Variants in LRRD1 observed in about 807,000 individuals in gnomAD.
LRRD1 encodes leucine rich repeats and death domain containing 1, also known as leucine-rich repeat and death domain-containing protein 1.
LRRD1 carries 49 observed loss-of-function variants against 69.5 expected under a neutral mutation model. That is an observed-to-expected ratio of 0.70 (90% CI 0.56 to 0.89). LRRD1 has a LOEUF of 0.89. Ranked by LOEUF, LRRD1 falls within the 40% of genes least tolerant of loss-of-function variation. The probability of loss-of-function intolerance (pLI) is 0.00; values close to 1 mark genes in which losing one functional copy is unlikely to be tolerated. For missense variants in LRRD1, 853 were observed against 956.0 expected, an observed-to-expected ratio of 0.89 and a Z score of 1.42; for synonymous variants, 303 against 338.9, an observed-to-expected ratio of 0.89 and a Z score of 1.16.
intron 1 of LRRD1, among the ~76,000 whole-genome samples, chr7:92,176,574 T>G (rs1276793726): frequency 6.6e-6 from 1 of 152,016 alleles, no homozygotes; most frequent in Non-Finnish European, 1.5e-5. Context: ...CATTTTTTTT[T>G]TTTTTTTGAG....
chr7:92,142,101 C>A (rs1310089267), downstream of LRRD1: 2 of 179,138 alleles, frequency 1.1e-5, no homozygotes, highest in African/African-American at 2.4e-5. Context: ...CGCCACCATG[C>A]CCAGCTATTT....
intron 1 of LRRD1, among the ~76,000 whole-genome samples, chr7:92,167,580 A>C (rs1788939471): frequency 6.6e-6 from 1 of 151,490 alleles, no homozygotes; most frequent in African/African-American, 2.4e-5. Context: ...GGGGTAGTTA[A>C]GAAGTTATTC....
At chr7:92,157,002 A>C (rs1443945648) in intron 3 of LRRD1, among the ~76,000 whole-genome samples, 1 of 148,956 alleles carries the variant, frequency 6.7e-6, no homozygotes, top group African/African-American at 2.5e-5. Context: ...TCTTGAATGG[A>C]AATTGTATTT....
intron 1 of LRRD1, among the ~76,000 whole-genome samples, chr7:92,176,958 A>G (rs1422059666): frequency 6.7e-6 from 1 of 148,924 alleles, no homozygotes; most frequent in African/African-American, 2.4e-5. Context: ...ATATATATAT[A>G]TATAAAACAA....
At chr7:92,175,882 T>A (rs1197529117) in intron 1 of LRRD1, among the ~76,000 whole-genome samples, 1 of 152,262 alleles carries the variant, frequency 6.6e-6, no homozygotes, top group Non-Finnish European at 1.5e-5. Flanking sequence ...TATTCATTGA[T>A]TTCTAATTCT....
In LRRD1 at chr7:92,164,940, G is replaced by A; in HGVS notation, c.263C>T (p.Ser88Phe). 2 of 1,551,432 alleles carry A rather than the reference G, an allele frequency of 1.3e-6. No individual in the cohort carries two copies. The highest frequency in any genetic ancestry group is 1.7e-6 in the Non-Finnish European group (2 of 1,146,910). Residue 88 changes from serine to phenylalanine, a missense_variant, in exon 2 of 6, where the codon TCT becomes TTT. By Grantham distance (155) the Ser-to-Phe change is radical (BLOSUM62 -2). Transcript: ENST00000458448. ...AGTTCCTGTTCTAGTGCTTGTTTCA[G>A]AAAATTGAAGATTTTTCTTTTGTTC... ...NEEQKKNLQF[S>F]ETSTRTGTSQ...
At chr7:92,160,235 C>T (rs1340774075) in intron 2 of LRRD1, among the ~76,000 whole-genome samples, 2 of 152,118 alleles carry the variant, frequency 1.3e-5, no homozygotes, top group African/African-American at 4.8e-5. Context: ...AATGTATAGG[C>T]ACCTCTAATA....
At chr7:92,141,650 G>A (rs1394378501), downstream of LRRD1, 3 of 152,206 alleles carry the variant, frequency 2.0e-5, no homozygotes, top group South Asian at 6.2e-4. Context: ...CAATTTCCAA[G>A]GTCCTTCACA....
chr7:92,148,537 G>A (rs547734859), intron 4 of LRRD1, among the ~76,000 whole-genome samples: 1 of 152,152 alleles, frequency 6.6e-6, no homozygotes, highest in Non-Finnish European at 1.5e-5. Flanking sequence ...GGCTCCATTT[G>A]TTAATTGCAG....
chr7:92,144,957 C>A lies in LRRD1; in HGVS notation c.2514G>T (p.Met838Ile). ...LRDQLIRALT[M>I]IGAYEIMDKI... ...TGTCCATAATTTCATATGCTCCTAT[C>A]ATAGTTAGTGCTCGAATTAGTTGAT... The change falls in exon 6 of 6, where the codon ATG becomes ATT. Residue 838 changes from methionine (M) to isoleucine (I), a missense_variant. Around this residue, in one of 3 missense-constraint regions of LRRD1, gnomAD observed 739 missense variants for 808.0 expected, o/e 0.91. Coordinates refer to ENST00000458448, the MANE Select transcript of LRRD1 (RefSeq NM_001161528.2). The A allele has an allele frequency of 6.5e-7, 1 of 1,545,692 alleles. No homozygotes were observed. The highest frequency in any genetic ancestry group is 8.7e-7 in the Non-Finnish European group (1 of 1,143,198).
At chr7:92,145,875 TAA>T (rs1189607287) in intron 5 of LRRD1, among the ~76,000 whole-genome samples, 1 of 152,206 alleles carries the variant, frequency 6.6e-6, no homozygotes, top group Non-Finnish European at 1.5e-5. Context: ...CAGTTGTGAG[TAA>T]AAGTCAGTCT....
At chr7:92,147,784 T>A (rs1187256602) in intron 4 of LRRD1, among the ~76,000 whole-genome samples, 1 of 151,898 alleles carries the variant, frequency 6.6e-6, no homozygotes, top group Non-Finnish European at 1.5e-5. Context: ...CAGACTGGAG[T>A]GCAGTAGCAT....
At chr7:92,153,864 C>T (rs1357269547) in intron 3 of LRRD1, among the ~76,000 whole-genome samples, 1 of 151,948 alleles carries the variant, frequency 6.6e-6, no homozygotes, top group Non-Finnish European at 1.5e-5. Context: ...AGCCTTTAGT[C>T]TTGCTCTTGT....
At chr7:92,170,291 AG>A (rs1170494550) in intron 1 of LRRD1, among the ~76,000 whole-genome samples, 1 of 152,222 alleles carries the variant, frequency 6.6e-6, no homozygotes, top group Non-Finnish European at 1.5e-5. Flanking sequence ...GATATCCAAG[AG>A]GGAGCTGATC....
At chr7:92,177,739 T>A (rs528595627) in intron 1 of LRRD1, among the ~76,000 whole-genome samples, 26 of 152,200 alleles carry the variant, frequency 1.7e-4, no homozygotes, top group Non-Finnish European at 2.8e-4. Context: ...GCAGTCTACT[T>A]AGCTGCAGAT....
chr7:92,161,509 G>A (rs1289055942), intron 2 of LRRD1, among the ~76,000 whole-genome samples: 4 of 152,218 alleles, frequency 2.6e-5, no homozygotes, highest in African/African-American at 9.6e-5. Context: ...CTTTGATAAG[G>A]CTTGCTAAAA....
In LRRD1 at chr7:92,145,058, CACTT is replaced by C; in HGVS notation, c.2409_2412del (p.Ser804ArgfsTer19). The C allele has an allele frequency of 2.0e-6, 3 of 1,481,366 alleles. No individual in the cohort carries two copies. The highest frequency in any genetic ancestry group is 2.7e-6 in the Non-Finnish European group (3 of 1,107,388). The allele number at this position is 1,481,366 out of a possible 1,614,324, so 91.8% of individuals were successfully genotyped here. A position where few individuals can be genotyped will look rare whatever the true frequency, so the allele number is the denominator to read the frequency against. The stretch of plus-strand genomic sequence containing the variant: ...ATAACAAGTGCTTGGTGGGCTCTCT[CACTT>C]AATGAAACAGTGCTGAAAAACATTA... On this transcript the variant is annotated frameshift_variant, in exon 6 of 6. Transcript: ENST00000458448. LOFTEE classifies it high-confidence loss of function.
At position 92,163,722 on chromosome 7, in the gene LRRD1, ACACT is replaced by A; in HGVS notation, c.1477_1480del (p.Ser493LeufsTer22). The A allele has an allele frequency of 6.6e-7, 1 of 1,506,566 alleles. No homozygotes were observed. Among genetic ancestry groups the A allele is most frequent in the East Asian group, 2.5e-5 (1 of 40,572 alleles). The allele number at this position is 1,506,566 out of a possible 1,614,324, so 93.3% of individuals were successfully genotyped here. ...TATTTCTGAAATATAATTTCCATTA[ACACT>A]CAAATAATAAAGAGAATCTAAAGCA... On this transcript the variant is annotated frameshift_variant, in exon 2 of 6. Coordinates refer to ENST00000458448, the MANE Select transcript of LRRD1 (RefSeq NM_001161528.2). LOFTEE classifies it high-confidence loss of function.
chr7:92,172,426 T>A (rs1337067683), intron 1 of LRRD1, among the ~76,000 whole-genome samples: 1 of 152,128 alleles, frequency 6.6e-6, no homozygotes, highest in Non-Finnish European at 1.5e-5. Flanking sequence ...GCGATATTAT[T>A]TTACACTTAG....
Sources: gnomAD v4.1 joint callset for allele counts (sites outside exome capture counted in the v4.1 genomes callset) on GRCh38, gnomAD v4.1.1 for gene constraint, gnomAD v4.1.1 regional missense constraint, MANE v1.5 for transcripts, NCBI Gene and HGNC (gene_info 2026-07-23, HGNC 2026-07-21) for gene names.